The following VPS13B variants were observed in gnomAD, a reference collection of about 807,000 sequenced individuals.
VPS13B encodes vacuolar protein sorting 13 homolog B.
Under a neutral mutation model 426.4 loss-of-function variants are expected in VPS13B, and 285 were observed. That is an observed-to-expected ratio of 0.67 (90% CI 0.61 to 0.74). VPS13B has a LOEUF of 0.74. VPS13B is among the 30% of genes least tolerant of loss of function. The probability of loss-of-function intolerance (pLI) is 0.00; values close to 1 mark genes in which losing one functional copy is unlikely to be tolerated. For missense variants in VPS13B, 4,537 were observed against 4,782.6 expected, an observed-to-expected ratio of 0.95 and a Z score of 1.51; for synonymous variants, 1,676 against 1,676.4, an observed-to-expected ratio of 1.00 and a Z score of 0.01.
At chr8:99,839,597 G>A (rs1408135190) in intron 54 of VPS13B, among the ~76,000 whole-genome samples, 1 of 152,182 alleles carries the variant, frequency 6.6e-6, no homozygotes, top group African/African-American at 2.4e-5. Flanking sequence ...GCAAGCCGGA[G>A]CCTAAATCTG....
intron 19 of VPS13B, among the ~76,000 whole-genome samples, chr8:99,311,034 T>C (rs890504697): frequency 1.3e-5 from 2 of 152,218 alleles, no homozygotes; most frequent in African/African-American, 2.4e-5. Context: ...TATCATTTTT[T>C]ATTGTGTCTA....
At chr8:99,016,908 T>C (rs891026087) in intron 2 of VPS13B, among the ~76,000 whole-genome samples, 17 of 152,132 alleles carry the variant, frequency 1.1e-4, no homozygotes, top group African/African-American at 3.6e-4. Context: ...TTATATATTT[T>C]GGAAATGAGT....
chr8:99,013,859 C>G lies in VPS13B; in HGVS notation c.71C>G (p.Ser24Trp). 1 of 1,614,114 alleles carries G rather than the reference C, an allele frequency of 6.2e-7. No individual in the cohort carries two copies. The highest frequency in any genetic ancestry group is 8.5e-7 in the Non-Finnish European group (1 of 1,180,018). ...CGCTACATCAAGAACTTAAAGCCGT[C>G]GGATCTACAGCTTTCACTATGGGGT... Reference protein sequence around the residue: ...VNRYIKNLKPSDLQLSLWGGD... With the variant: ...VNRYIKNLKPWDLQLSLWGGD... Residue 24 changes from serine (S) to tryptophan (W), a missense_variant, in exon 2 of 62, where the codon TCG becomes TGG. Physicochemically the swap from Ser to Trp is radical, Grantham distance 177. Transcript: ENST00000357162.
chr8:99,862,895 T>A (rs1427314072), intron 58 of VPS13B, among the ~76,000 whole-genome samples: 4 of 152,174 alleles, frequency 2.6e-5, no homozygotes, highest in Non-Finnish European at 5.9e-5. Flanking sequence ...TGGGGCACTG[T>A]CATTTGATAA....
At chr8:99,019,150 G>GT (rs1208352744) in intron 2 of VPS13B, among the ~76,000 whole-genome samples, 1 of 148,730 alleles carries the variant, frequency 6.7e-6, no homozygotes, top group Non-Finnish European at 1.5e-5. Flanking sequence ...AATGTTAGTG[G>GT]TTTTTTTAAA....
intron 34 of VPS13B, among the ~76,000 whole-genome samples, chr8:99,657,968 T>C (rs1189574804): frequency 6.6e-6 from 1 of 152,212 alleles, no homozygotes; most frequent in Non-Finnish European, 1.5e-5. Flanking sequence ...ATTATCAATT[T>C]TTTAAATTTA....
intron 36 of VPS13B, among the ~76,000 whole-genome samples, chr8:99,710,451 A>G (rs1039785274): frequency 2.0e-5 from 3 of 152,044 alleles, no homozygotes; most frequent in Non-Finnish European, 4.4e-5. Flanking sequence ...CCCTAGGTTT[A>G]TATGTGTGGT....
intron 11 of VPS13B, among the ~76,000 whole-genome samples, 189 bp downstream of exon 11, chr8:99,135,922 T>C (rs1411773846): frequency 6.6e-6 from 1 of 152,096 alleles, no homozygotes; most frequent in African/African-American, 2.4e-5. Context: ...GATCTTTTAT[T>C]GAATATGTAA....
chr8:99,512,678 G>A (rs1821852564), intron 29 of VPS13B, among the ~76,000 whole-genome samples: 1 of 152,116 alleles, frequency 6.6e-6, no homozygotes, highest in South Asian at 2.1e-4. Flanking sequence ...ATTTATCAGT[G>A]TTTTGGGAGA....
In VPS13B at chr8:99,057,276, A is replaced by G. The variant is rs770700634; in HGVS notation, c.291+18710A>G. ...ATACCTCATGGATTCTGCCTCCATG[A>G]TGCCGTTGTAAGCACTTTGGCAGAG... On this transcript the variant is annotated intron_variant, in intron 3 of 61. Transcript: ENST00000357162. 3.3e-5 allele frequency among the ~76,000 whole-genome samples: 5 copies of G among 152,126 alleles called. No individual in the cohort carries two copies. In the East Asian group the frequency reaches 9.7e-4, roughly 29 times the overall value.
chr8:99,350,084 G>A (rs1340745154), intron 19 of VPS13B, among the ~76,000 whole-genome samples: 1 of 152,172 alleles, frequency 6.6e-6, no homozygotes, highest in African/African-American at 2.4e-5. Flanking sequence ...TCTTCAATAA[G>A]TGAAGTTTGA....
chr8:99,421,844 A>G (rs745849610), intron 21 of VPS13B, among the ~76,000 whole-genome samples: 9 of 152,046 alleles, frequency 5.9e-5, no homozygotes, highest in Middle Eastern at 3.4e-3. Flanking sequence ...TGCCCAGCTA[A>G]GTTTTGTAAT....
At chr8:99,842,621 T>TA (rs1227648501) in intron 54 of VPS13B, among the ~76,000 whole-genome samples, 6 of 151,904 alleles carry the variant, frequency 3.9e-5, no homozygotes, top group Non-Finnish European at 7.4e-5. Flanking sequence ...CTCTATTTTT[T>TA]AAAAAAACAA....
intron 33 of VPS13B, among the ~76,000 whole-genome samples, chr8:99,589,946 G>A (rs1447541086): frequency 8.5e-5 from 13 of 152,106 alleles, no homozygotes; most frequent in Non-Finnish European, 1.2e-4. Context: ...GATAGAATTC[G>A]GCTGTGAATC....
chr8:99,373,257 C>T (rs542814876), intron 19 of VPS13B, among the ~76,000 whole-genome samples: 2 of 151,618 alleles, frequency 1.3e-5, no homozygotes, highest in Non-Finnish European at 2.9e-5. Context: ...TGCAGCAGAC[C>T]ACCATGGCAC....
At chr8:99,871,737 AG>A (rs1192208222) in intron 61 of VPS13B, 40 bp downstream of exon 61, 1 of 1,611,442 alleles carries the variant, frequency 6.2e-7, no homozygotes, top group East Asian at 2.2e-5. Context: ...CTAGCTGGCC[AG>A]GGAGGTTGAG....
At chr8:99,410,871 T>C (rs1815612533) in intron 21 of VPS13B, among the ~76,000 whole-genome samples, 1 of 152,138 alleles carries the variant, frequency 6.6e-6, no homozygotes, top group Non-Finnish European at 1.5e-5. Context: ...GCTTCATCCA[T>C]GTCCCTGCAA....
rs901605484 is a variant in VPS13B, at chr8:99,520,805, G to C, written c.4634-94G>C. 6.6e-6 allele frequency: 6 copies of C among 908,492 alleles called. No homozygotes were observed. The African/African-American group carries it at 9.8e-5, about 15-fold the overall frequency. The allele number at this position is 908,492 out of a possible 1,614,324, so 56.3% of individuals were successfully genotyped here. On this transcript the variant is annotated intron_variant, in intron 29 of 61. Coordinates refer to ENST00000357162, the MANE Select transcript of VPS13B (RefSeq NM_152564.5). Reference sequence around the variant, plus strand: ...TCTTATTTATTGGTCTTATCTTAATGTGTCTCTATTCCATTCCCTCAAAGA... The same window carrying C: ...TCTTATTTATTGGTCTTATCTTAATCTGTCTCTATTCCATTCCCTCAAAGA...
At chr8:99,353,134 A>T (rs181702092) in intron 19 of VPS13B, among the ~76,000 whole-genome samples, 7 of 151,998 alleles carry the variant, frequency 4.6e-5, no homozygotes, top group Non-Finnish European at 8.8e-5. Context: ...GGCATGTTCC[A>T]CCATGCCTGG....
Sources: allele counts gnomAD v4.1 joint callset (sites outside exome capture counted in the v4.1 genomes callset), GRCh38; gene constraint gnomAD v4.1.1; transcripts MANE v1.5; gene names NCBI Gene and HGNC (gene_info 2026-07-23, HGNC 2026-07-21).